OSBPL9: variants seen among roughly 807,000 people sequenced by gnomAD.
The protein encoded by OSBPL9 is oxysterol binding protein like 9.
Under a neutral mutation model 106.6 loss-of-function variants are expected in OSBPL9, and 40 were observed. The ratio of observed to expected loss-of-function variants is 0.38; its 90% CI spans 0.29 to 0.49. OSBPL9 has a LOEUF of 0.49. Among genes scored for constraint, OSBPL9 ranks in the 20% least tolerant of loss-of-function variants. OSBPL9 has a pLI of 0.97. For synonymous variants in OSBPL9, 269 were observed against 295.4 expected (o/e 0.91, Z 0.92); for missense variants, 609 against 887.2 (o/e 0.69, Z 3.98).
chr1:51,565,057 G>A, the OSBPL9 span, among the ~76,000 whole-genome samples: 1 of 151,920 alleles, frequency 6.6e-6, no homozygotes, highest in Non-Finnish European at 1.5e-5. Flanking sequence ...CAAGGATTGG[G>A]GCCCTTTGCT....
chr1:51,784,279 T>G lies in OSBPL9; in HGVS notation c.1640T>G (p.Leu547Arg). 6.2e-7 allele frequency: 1 copy of G among 1,614,028 alleles called. No individual in the cohort carries two copies. The highest frequency in any genetic ancestry group is 1.1e-5 in the South Asian group (1 of 91,084). The change falls in exon 19 of 24, where the codon CTA becomes CGA. Residue 547 changes from leucine to arginine, a missense_variant. Leu to Arg is a moderately radical substitution (Grantham distance 102). Around this residue, in one of 5 missense-constraint regions of OSBPL9, gnomAD observed 356 missense variants for 505.8 expected, o/e 0.70. Transcript: ENST00000428468. ...HNIGQGCVSC[L>R]DYDEHYILTF... is the part of the protein sequence containing the mutation. ...CTCTCCACAGGCTGTGTCTCATGTC[T>G]AGACTATGATGAACATTACATTCTC...
At chr1:51,528,812 T>C in the OSBPL9 span, among the ~76,000 whole-genome samples, 1 of 152,016 alleles carries the variant, frequency 6.6e-6, no homozygotes, top group Non-Finnish European at 1.5e-5. Context: ...GGGCAGAGGT[T>C]ACAGTGACCC....
upstream of OSBPL9, among the ~76,000 whole-genome samples, chr1:51,614,700 A>G (rs1427223774): frequency 6.6e-6 from 1 of 152,094 alleles, no homozygotes; most frequent in Non-Finnish European, 1.5e-5. Context: ...AATAAGAGCT[A>G]ATATTAATTG....
chr1:51,723,824 A>T (rs1161019804), intron 4 of OSBPL9, among the ~76,000 whole-genome samples: 2 of 152,202 alleles, frequency 1.3e-5, no homozygotes, highest in African/African-American at 4.8e-5. Context: ...ATTGTATACA[A>T]GTTTTATGTG....
intron 3 of OSBPL9, chr1:51,669,801 T>C (rs987896591): frequency 3.7e-6 from 2 of 539,924 alleles, no homozygotes; most frequent in Non-Finnish European, 7.1e-6. Context: ...GCTGCTGGCT[T>C]GTGTTTACAG....
chr1:51,530,193 C>CAAAAAAAAAAAAAAAAAAAAAAA, the OSBPL9 span, among the ~76,000 whole-genome samples: 4 of 55,632 alleles, frequency 7.2e-5, 1 homozygote, highest in African/African-American at 1.7e-4. Flanking sequence ...AAAAAAAAAA[C>CAAAAAAAAAAAAAAAAAAAAAAA]AAAAAAAAAA....
At chr1:51,536,126 A>C in the OSBPL9 span, among the ~76,000 whole-genome samples, 1 of 152,174 alleles carries the variant, frequency 6.6e-6, no homozygotes, top group African/African-American at 2.4e-5. Flanking sequence ...TCAGTATGAC[A>C]ATCAAATCCA....
intron 2 of OSBPL9, among the ~76,000 whole-genome samples, chr1:51,609,647 G>A (rs1371553888): frequency 6.6e-6 from 1 of 151,446 alleles, no homozygotes; most frequent in African/African-American, 2.4e-5. Flanking sequence ...CACCACTCCT[G>A]GCCAGCTACC....
intron 4 of OSBPL9, among the ~76,000 whole-genome samples, chr1:51,728,731 C>A (rs1298592200): frequency 3.9e-5 from 6 of 152,158 alleles, no homozygotes; most frequent in Non-Finnish European, 5.9e-5. Context: ...GGGTCTTCAA[C>A]TCCTGGCCTC....
intron 2 of OSBPL9, among the ~76,000 whole-genome samples, chr1:51,600,799 A>T (rs569504909): frequency 1.3e-5 from 2 of 152,212 alleles, no homozygotes; most frequent in Admixed American, 6.5e-5. Flanking sequence ...AGCACTTGGC[A>T]CAGAATAAGA....
intron 1 of OSBPL9, among the ~76,000 whole-genome samples, chr1:51,636,824 C>T (rs148150873): frequency 6.6e-6 from 1 of 150,850 alleles, no homozygotes; most frequent in Non-Finnish European, 1.5e-5. Flanking sequence ...ATAAAATTGT[C>T]ATTTCCAAAA....
rs1268860383 is a variant in OSBPL9 at position 51,729,310 on chromosome 1, T to G, written c.318+15231T>G. The G allele has an allele frequency of 6.6e-6, 1 of 152,270 alleles. No homozygotes were observed. The highest frequency in any genetic ancestry group is 1.5e-5 in the Non-Finnish European group (1 of 68,276). 9.4% of individuals were successfully genotyped at this position (152,270 alleles called of 1,614,324 possible). Reference sequence around the variant, plus strand: ...AAGTAAGCAAAATCCGTTATCAAGGTGAAACTCCGGGGACCAGGCTCCACA... The same window carrying G: ...AAGTAAGCAAAATCCGTTATCAAGGGGAAACTCCGGGGACCAGGCTCCACA... On this transcript the variant is annotated intron_variant, in intron 4 of 23. Transcript: ENST00000428468. This position sits in a 1 kb window ranked among gnomAD's most constrained non-coding sequence, Gnocchi z 5.1.
intron 8 of OSBPL9, 54 bp from the exon 9 acceptor site, chr1:51,756,266 A>G (rs1237819365): frequency 6.9e-7 from 1 of 1,448,418 alleles, no homozygotes; most frequent in Non-Finnish European, 9.7e-7. Context: ...GAAATACACA[A>G]GGAGTTACTT....
chr1:51,523,919 A>G, the OSBPL9 span, among the ~76,000 whole-genome samples: 85,942 of 152,000 alleles, frequency 0.57, 26,171 homozygotes, highest in African/African-American at 0.72. Context: ...AGAAATGTGA[A>G]GTGATTGAAA....
upstream of OSBPL9, among the ~76,000 whole-genome samples, chr1:51,576,731 TAGCC>T (rs1645186293): frequency 6.6e-6 from 1 of 152,080 alleles, no homozygotes. Context: ...CTCACTATGT[TAGCC>T]AGGCTGGTCT....
At position 51,682,315 on chromosome 1, in the gene OSBPL9, A is replaced by G. The variant is rs568167383; in HGVS notation, c.241+12803A>G. Among the ~76,000 whole-genome samples, 11 of 152,318 alleles carry G rather than the reference A, an allele frequency of 7.2e-5. No homozygotes were observed. The South Asian group carries it at 2.1e-3, about 29-fold the overall frequency. ...ATCCACGGATGCAGAACCTGCAGATACAGAGGGCCAACATACATCCAAAGG... is the reference window on the plus strand; with the variant it reads ...ATCCACGGATGCAGAACCTGCAGATGCAGAGGGCCAACATACATCCAAAGG... On this transcript the variant is annotated intron_variant, in intron 3 of 23. Coordinates refer to ENST00000428468, the MANE Select transcript of OSBPL9 (RefSeq NM_024586.6).
chr1:51,520,307 C>G, the OSBPL9 span, among the ~76,000 whole-genome samples: 1 of 152,212 alleles, frequency 6.6e-6, no homozygotes, highest in African/African-American at 2.4e-5. Context: ...CTGATGCTGC[C>G]AACCTTCAGT....
the OSBPL9 span, among the ~76,000 whole-genome samples, chr1:51,548,754 A>G: frequency 6.6e-6 from 1 of 152,184 alleles, no homozygotes; most frequent in East Asian, 1.9e-4. Flanking sequence ...AAAATTTATC[A>G]AAGGTGAGAG....
At position 51,789,160 on chromosome 1, in the gene OSBPL9, ATAAC is replaced by A. The variant is rs755142768; in HGVS notation, c.*1377_*1380del. 5 of 1,375,060 alleles carry A rather than the reference ATAAC, an allele frequency of 3.6e-6. No homozygotes were observed. Among genetic ancestry groups the A allele is most frequent in the East Asian group, 2.3e-5 (1 of 43,566 alleles). The allele number at this position is 1,375,060 out of a possible 1,614,324, so 85.2% of individuals were successfully genotyped here. A position where few individuals can be genotyped will look rare whatever the true frequency, so the allele number is the denominator to read the frequency against. On this transcript the variant is annotated 3_prime_UTR_variant, in exon 24 of 24. Coordinates refer to ENST00000428468, the MANE Select transcript of OSBPL9 (RefSeq NM_024586.6). ...TCAATGGAAGCCCTAAGGCAGTAGT[ATAAC>A]TAACTCCATAAAATACAAACAAACA...
Sources: gnomAD v4.1 joint callset for allele counts (sites outside exome capture counted in the v4.1 genomes callset) on GRCh38, gnomAD v4.1.1 for gene constraint, gnomAD v4.1.1 regional missense constraint, Gnocchi (gnomAD v3.1) non-coding constraint, MANE v1.5 for transcripts, NCBI Gene and HGNC (gene_info 2026-07-23, HGNC 2026-07-21) for gene names.